AUTS2: variants seen among roughly 807,000 people sequenced by gnomAD.
AUTS2 encodes activator of transcription and developmental regulator AUTS2, also known as autism susceptibility gene 2 protein.
In AUTS2, 17 loss-of-function variants were observed where a neutral mutation model predicts 112.4. That is an observed-to-expected ratio of 0.15 (90% CI 0.10 to 0.23). The LOEUF (loss-of-function observed/expected upper bound fraction) is 0.23. Ranked by LOEUF, AUTS2 falls within the 10% of genes least tolerant of loss-of-function variation. AUTS2 has a pLI of 1.00. For missense variants in AUTS2, 1,510 were observed against 1,701.6 expected, an observed-to-expected ratio of 0.89 and a Z score of 1.98; for synonymous variants, 751 against 702.7, an observed-to-expected ratio of 1.07 and a Z score of -1.09.
At chr7:70,277,810 G>C (rs956043644) in intron 4 of AUTS2, among the ~76,000 whole-genome samples, 4 of 152,138 alleles carry the variant, frequency 2.6e-5, no homozygotes, top group African/African-American at 9.7e-5. Context: ...CAAAATGTGA[G>C]TAGCAACATA....
chr7:70,512,282 T>C (rs960370723), intron 5 of AUTS2, among the ~76,000 whole-genome samples: 1 of 152,208 alleles, frequency 6.6e-6, no homozygotes, highest in Non-Finnish European at 1.5e-5. Flanking sequence ...TTGCGGGGCT[T>C]TTTTTGGACA....
chr7:70,015,292 G>T (rs11769390), intron 2 of AUTS2, among the ~76,000 whole-genome samples: 16,724 of 152,202 alleles, frequency 0.11, 1,440 homozygotes, highest in African/African-American at 0.23. Flanking sequence ...TGAGCCAGGT[G>T]TTATACTTTA....
intron 5 of AUTS2, among the ~76,000 whole-genome samples, chr7:70,689,267 A>G (rs1372143338): frequency 2.0e-5 from 3 of 152,210 alleles, no homozygotes; most frequent in East Asian, 1.9e-4. Flanking sequence ...GCTACTCCCA[A>G]CTACTCAAGA....
At chr7:70,628,617 G>A (rs1239418785) in intron 5 of AUTS2, among the ~76,000 whole-genome samples, 1 of 149,932 alleles carries the variant, frequency 6.7e-6, no homozygotes, top group East Asian at 1.9e-4. Flanking sequence ...AACTTTCCTT[G>A]GCAAAAAGCA....
rs1304258926 is a variant in AUTS2 at position 70,774,288 on chromosome 7, T to C, written c.1902+189T>C. On this transcript the variant is annotated intron_variant, in intron 12 of 18. Transcript: ENST00000342771. The stretch of plus-strand genomic sequence containing the variant: ...CAGTCTCTCCTGCTCACTGCGAGCA[T>C]AGGACACAAAGAGACCGACTTGCCG... 1.5e-5 allele frequency: 9 copies of C among 596,014 alleles called. No individual in the cohort carries two copies. The African/African-American group carries it at 1.7e-4, about 11-fold the overall frequency. The allele number at this position is 596,014 out of a possible 1,614,324, so 36.9% of individuals were successfully genotyped here.
At chr7:70,747,524 T>C (rs1788531104) in intron 6 of AUTS2, among the ~76,000 whole-genome samples, 1 of 152,218 alleles carries the variant, frequency 6.6e-6, no homozygotes, top group African/African-American at 2.4e-5. Flanking sequence ...AATGGCGCAA[T>C]CTCAGCTCAC....
intron 6 of AUTS2, among the ~76,000 whole-genome samples, chr7:70,754,156 G>A (rs1789040202): frequency 6.6e-6 from 1 of 151,826 alleles, no homozygotes. Flanking sequence ...GCGAGACTCT[G>A]TCTCAAAATA....
At chr7:69,753,029 T>A (rs2129271719) in intron 1 of AUTS2, among the ~76,000 whole-genome samples, 1 of 152,340 alleles carries the variant, frequency 6.6e-6, no homozygotes, top group East Asian at 1.9e-4. Context: ...TTTAGAAACA[T>A]CTGGGGTTTA....
At chr7:70,648,573 G>GT (rs1806306608) in intron 5 of AUTS2, among the ~76,000 whole-genome samples, 1 of 152,018 alleles carries the variant, frequency 6.6e-6, no homozygotes, top group Admixed American at 6.6e-5. Flanking sequence ...TTGGTTTTTG[G>GT]TTTTTTGTTT....
At chr7:70,447,694 C>G (rs575290385) in intron 5 of AUTS2, among the ~76,000 whole-genome samples, 1 of 152,144 alleles carries the variant, frequency 6.6e-6, no homozygotes, top group South Asian at 2.1e-4. Context: ...AGGAAAAGAC[C>G]AGTGAAAACT....
At chr7:69,694,994 AC>A (rs1398399851) in intron 1 of AUTS2, among the ~76,000 whole-genome samples, 2 of 152,130 alleles carry the variant, frequency 1.3e-5, no homozygotes, top group African/African-American at 4.8e-5. Flanking sequence ...GAACGTGGTA[AC>A]CTATGTTTTG....
chr7:69,814,660 C>T (rs774263530), intron 1 of AUTS2, among the ~76,000 whole-genome samples: 6 of 152,354 alleles, frequency 3.9e-5, no homozygotes, highest in South Asian at 2.1e-4. Flanking sequence ...CTGCTTTCAG[C>T]CTGCACAGTG....
At chr7:70,476,395 A>G (rs1407373143) in intron 5 of AUTS2, among the ~76,000 whole-genome samples, 1 of 152,076 alleles carries the variant, frequency 6.6e-6, no homozygotes. Context: ...TTTCAAATAT[A>G]TTAAGGAGGA....
chr7:70,402,400 A>C (rs1271395945), intron 4 of AUTS2, among the ~76,000 whole-genome samples: 2 of 152,232 alleles, frequency 1.3e-5, no homozygotes, highest in Admixed American at 6.5e-5. Context: ...TGCTCTGTGA[A>C]GCTGACGCAG....
intron 1 of AUTS2, among the ~76,000 whole-genome samples, chr7:69,737,112 C>G (rs1279638832): frequency 6.6e-6 from 1 of 152,070 alleles, no homozygotes; most frequent in Non-Finnish European, 1.5e-5. Context: ...AGACTCTACC[C>G]CTCTCAGTTT....
chr7:70,143,934 G>A (rs1451683015), intron 4 of AUTS2, among the ~76,000 whole-genome samples: 1 of 152,092 alleles, frequency 6.6e-6, no homozygotes, highest in Non-Finnish European at 1.5e-5. Context: ...TATTTCATAT[G>A]TTCATCACAT....
At chr7:70,546,644 T>A (rs1402049359) in intron 5 of AUTS2, among the ~76,000 whole-genome samples, 1 of 151,622 alleles carries the variant, frequency 6.6e-6, no homozygotes, top group African/African-American at 2.4e-5. Context: ...CCGGGCATGG[T>A]GGCGGGCACC....
intron 1 of AUTS2, among the ~76,000 whole-genome samples, chr7:69,695,248 G>A (rs566349033): frequency 1.3e-5 from 2 of 152,186 alleles, no homozygotes; most frequent in South Asian, 2.1e-4. Context: ...AGGATAGCTC[G>A]AGCCCCAGAG....
intron 2 of AUTS2, among the ~76,000 whole-genome samples, chr7:69,912,177 A>G (rs951045763): frequency 1.7e-4 from 26 of 152,144 alleles, no homozygotes; most frequent in African/African-American, 6.0e-4. Flanking sequence ...CTTAGCCTCA[A>G]TTTTCCTCTG....
Sources: gnomAD v4.1 joint callset for allele counts (sites outside exome capture counted in the v4.1 genomes callset) on GRCh38, gnomAD v4.1.1 for gene constraint, MANE v1.5 for transcripts, NCBI Gene and HGNC (gene_info 2026-07-23, HGNC 2026-07-21) for gene names.